The following FRY variants were observed in gnomAD, a reference collection of about 807,000 sequenced individuals.
FRY encodes the protein FRY microtubule binding protein.
FRY carries 128 observed loss-of-function variants against 348.4 expected under a neutral mutation model. The observed-to-expected ratio is 0.37, with a 90% confidence interval of 0.32 to 0.43. The LOEUF (loss-of-function observed/expected upper bound fraction) is 0.43, where lower values mean the gene tolerates loss of function less well. Among genes scored for constraint, FRY ranks in the 20% least tolerant of loss-of-function variants. The pLI, the probability that FRY is intolerant of heterozygous loss-of-function variation, is 1.00. For missense variants in FRY, 2,736 were observed against 3,695.2 expected (o/e 0.74, Z 6.73); for synonymous variants, 1,370 against 1,374.7 (o/e 1.00, Z 0.08).
chr13:32,048,650 C>T (rs1459560320), intron 1 of FRY, among the ~76,000 whole-genome samples: 2 of 152,052 alleles, frequency 1.3e-5, no homozygotes, highest in Non-Finnish European at 2.9e-5. Context: ...GGCACTTTTG[C>T]CAAATTGGAA....
chr13:32,278,228 A>C (rs776372877), intron 57 of FRY, among the ~76,000 whole-genome samples: 3 of 152,240 alleles, frequency 2.0e-5, no homozygotes, highest in African/African-American at 7.2e-5. Context: ...GCAACACAGT[A>C]TAATATTGAA....
chr13:32,159,558 G>A (rs534112817), intron 16 of FRY, among the ~76,000 whole-genome samples: 1 of 151,918 alleles, frequency 6.6e-6, no homozygotes, highest in African/African-American at 2.4e-5. Context: ...TATAATTTTG[G>A]GGATTTATAT....
At chr13:32,085,737 T>C (rs569230790) in intron 2 of FRY, 1 of 382,064 alleles carries the variant, frequency 2.6e-6, no homozygotes, top group South Asian at 2.0e-5. Flanking sequence ...AGCCTGGTGC[T>C]TCCTCTCTTT....
chr13:32,144,489 C>T (rs1354146721), intron 11 of FRY, among the ~76,000 whole-genome samples: 1 of 151,246 alleles, frequency 6.6e-6, no homozygotes, highest in Non-Finnish European at 1.5e-5. Context: ...TAGAACAGAC[C>T]TAAATGTACA....
intron 30 of FRY, 44 bp downstream of exon 30, chr13:32,202,084 C>T: frequency 8.8e-7 from 1 of 1,141,664 alleles, no homozygotes; most frequent in Non-Finnish European, 1.3e-6. Context: ...TCCTTGAGTA[C>T]AGAAAATAGA....
In FRY at chr13:32,183,045, G is replaced by T. The variant is rs1263270327; in HGVS notation, c.3054+11G>T. The stretch of plus-strand genomic sequence containing the variant: ...GAAAGAAGACCAGAGGTAAGAATTT[G>T]AATTTAAAAAATTAAGGCTTGGTTT... On this transcript the variant is annotated intron_variant, in intron 24 of 60. Transcript: ENST00000542859. 6.4e-7 allele frequency: 1 copy of T among 1,556,626 alleles called. No individual in the cohort carries two copies. Among genetic ancestry groups the T allele is most frequent in the East Asian group, 2.2e-5 (1 of 44,512 alleles).
intron 7 of FRY, among the ~76,000 whole-genome samples, chr13:32,130,230 C>T (rs755768040): frequency 2.8e-4 from 42 of 151,758 alleles, no homozygotes; most frequent in Non-Finnish European, 5.5e-4. Flanking sequence ...TGGTAGAGAC[C>T]GGGTTTCACC....
intron 11 of FRY, among the ~76,000 whole-genome samples, chr13:32,139,033 C>T (rs1336682714): frequency 1.3e-5 from 2 of 151,952 alleles, no homozygotes; most frequent in African/African-American, 2.4e-5. Flanking sequence ...GAATTCACTA[C>T]GTCAAGGCTA....
intron 35 of FRY, among the ~76,000 whole-genome samples, chr13:32,214,359 C>T (rs999732206): frequency 1.3e-5 from 2 of 152,228 alleles, no homozygotes; most frequent in African/African-American, 2.4e-5. Flanking sequence ...CTGCGGCCCA[C>T]AGGCCACATG....
chr13:32,290,703 A>G (rs1889297703), intron 59 of FRY, among the ~76,000 whole-genome samples: 1 of 152,098 alleles, frequency 6.6e-6, no homozygotes, highest in African/African-American at 2.4e-5. Flanking sequence ...ACCAGTGATG[A>G]GGCTGCTGAA....
At chr13:32,238,027 G>T in intron 44 of FRY, 41 bp downstream of exon 44, 2 of 1,604,716 alleles carry the variant, frequency 1.2e-6, no homozygotes, top group South Asian at 2.2e-5. Context: ...TTCTGATGGT[G>T]ACTGTGTTCA....
intron 29 of FRY, 90 bp downstream of exon 29, chr13:32,194,387 A>G: frequency 7.9e-6 from 9 of 1,134,220 alleles, no homozygotes; most frequent in Non-Finnish European, 1.2e-5. Context: ...TTGCAACTAT[A>G]TGAGCAAAGT....
chr13:32,075,038 G>A (rs1031229282), intron 1 of FRY, among the ~76,000 whole-genome samples: 8 of 152,174 alleles, frequency 5.3e-5, no homozygotes, highest in African/African-American at 1.7e-4. Context: ...CTGGAAAATG[G>A]TGCCTCAGTG....
intron 7 of FRY, among the ~76,000 whole-genome samples, chr13:32,128,291 A>G (rs1042204560): frequency 1.3e-5 from 2 of 152,158 alleles, no homozygotes; most frequent in Non-Finnish European, 1.5e-5. Flanking sequence ...CCCTGAAGCC[A>G]CTATTTAATA....
chr13:32,194,121 T>C (rs756740900), intron 28 of FRY, 22 bp from the exon 29 acceptor site: 17 of 1,606,706 alleles, frequency 1.1e-5, no homozygotes, highest in South Asian at 1.1e-5. Flanking sequence ...GGGAATAATA[T>C]TGATTTGCTC....
chr13:32,181,913 G>T (rs1393651877), intron 23 of FRY, among the ~76,000 whole-genome samples: 1 of 152,160 alleles, frequency 6.6e-6, no homozygotes, highest in Non-Finnish European at 1.5e-5. Flanking sequence ...GTAAATATTT[G>T]TTAAATGGTA....
At chr13:32,226,355 CG>C (rs1885582715) in intron 39 of FRY, among the ~76,000 whole-genome samples, 1 of 152,058 alleles carries the variant, frequency 6.6e-6, no homozygotes, top group Non-Finnish European at 1.5e-5. Context: ...GCCAAGGTGC[CG>C]GATGTATCAC....
chr13:32,257,789 T>C (rs1887414461), intron 51 of FRY, among the ~76,000 whole-genome samples: 1 of 152,254 alleles, frequency 6.6e-6, no homozygotes. Context: ...TTTTTCTCTT[T>C]GGAGTTAGTG....
At chr13:32,268,664 T>C (rs945530716) in intron 55 of FRY, among the ~76,000 whole-genome samples, 1 of 149,888 alleles carries the variant, frequency 6.7e-6, no homozygotes, top group Admixed American at 6.8e-5. Context: ...TTTACTTTTT[T>C]TCAATTTCCT....
Sources: allele counts gnomAD v4.1 joint callset (sites outside exome capture counted in the v4.1 genomes callset), GRCh38; gene constraint gnomAD v4.1.1; transcripts MANE v1.5; gene names NCBI Gene and HGNC (gene_info 2026-07-23, HGNC 2026-07-21).